The following PIK3R4 variants were observed in gnomAD, a reference collection of about 807,000 sequenced individuals.
PIK3R4 encodes the protein phosphoinositide 3-kinase regulatory subunit 4.
PIK3R4 carries 46 observed loss-of-function variants against 136.5 expected under a neutral mutation model. That is an observed-to-expected ratio of 0.34 (90% CI 0.27 to 0.43). The LOEUF (loss-of-function observed/expected upper bound fraction) is 0.43, where lower values mean the gene tolerates loss of function less well. Ranked by LOEUF, PIK3R4 falls within the 20% of genes least tolerant of loss-of-function variation. The probability of loss-of-function intolerance (pLI) is 1.00; values close to 1 mark genes in which losing one functional copy is unlikely to be tolerated. For synonymous variants in PIK3R4, 557 were observed against 566.7 expected, an observed-to-expected ratio of 0.98 and a Z score of 0.24; for missense variants, 1,331 against 1,649.5, an observed-to-expected ratio of 0.81 and a Z score of 3.35.
intron 7 of PIK3R4, among the ~76,000 whole-genome samples, chr3:130,720,647 C>T (rs1393984167): frequency 1.3e-5 from 2 of 152,154 alleles, no homozygotes. Context: ...CTGAATAGGA[C>T]ATTTCAGTAT....
In PIK3R4 at chr3:130,745,262, T is replaced by A. The variant is rs1394084730; in HGVS notation, c.-44A>T. On this transcript the variant is annotated splice_region_variant and 5_prime_UTR_variant, in exon 2 of 20. Transcript: ENST00000356763. Reference sequence around the variant, plus strand: ...GGTCTTTAGTAAGGTTAGGATATAATACCTGTTTAAAATAAAAACAAATGA... The same window carrying A: ...GGTCTTTAGTAAGGTTAGGATATAAAACCTGTTTAAAATAAAAACAAATGA... 2 of 1,509,988 alleles carry A rather than the reference T, an allele frequency of 1.3e-6. No individual in the cohort carries two copies. Among genetic ancestry groups the A allele is most frequent in the Non-Finnish European group, 1.8e-6 (2 of 1,134,842 alleles). 93.5% of individuals were successfully genotyped at this position (1,509,988 alleles called of 1,614,324 possible).
intron 10 of PIK3R4, 92 bp downstream of exon 10, chr3:130,708,199 G>T: frequency 2.0e-6 from 2 of 998,890 alleles, no homozygotes; most frequent in Non-Finnish European, 3.0e-6. Context: ...CTGTGAAATG[G>T]GGCTTTTTAT....
At chr3:130,684,414 T>G (rs1197333798) in intron 15 of PIK3R4, 33 bp from the exon 16 acceptor site, 1 of 1,596,284 alleles carries the variant, frequency 6.3e-7, no homozygotes, top group Non-Finnish European at 8.6e-7. Flanking sequence ...GATTACCATC[T>G]AATGATCAAA....
chr3:130,729,023 A>G (rs530873215), intron 5 of PIK3R4, among the ~76,000 whole-genome samples: 1 of 152,322 alleles, frequency 6.6e-6, no homozygotes, highest in South Asian at 2.1e-4. Flanking sequence ...CCAGTTAATC[A>G]AGGACTTGAA....
chr3:130,698,407 GT>G (rs2066558318), intron 13 of PIK3R4, among the ~76,000 whole-genome samples: 1 of 151,806 alleles, frequency 6.6e-6, no homozygotes, highest in Non-Finnish European at 1.5e-5. Flanking sequence ...TTTCTTCTTT[GT>G]ACCTCTGACT....
intron 1 of PIK3R4, among the ~76,000 whole-genome samples, chr3:130,745,825 G>A (rs1434072883): frequency 6.6e-6 from 1 of 152,038 alleles, no homozygotes; most frequent in Admixed American, 6.5e-5. Context: ...AGCTCAAGAC[G>A]GGGCTGGCCA....
At chr3:130,727,344 C>A (rs894524334) in intron 6 of PIK3R4, among the ~76,000 whole-genome samples, 3 of 151,728 alleles carry the variant, frequency 2.0e-5, no homozygotes, top group Non-Finnish European at 4.4e-5. Flanking sequence ...CCTCAGCCCC[C>A]CTCCCGCCGC....
At chr3:130,697,366 C>T (rs1451445522) in intron 13 of PIK3R4, among the ~76,000 whole-genome samples, 4 of 152,188 alleles carry the variant, frequency 2.6e-5, no homozygotes, top group East Asian at 1.9e-4. Context: ...AGCCACTGCG[C>T]ATGGCCTAGC....
At chr3:130,705,498 C>T in intron 12 of PIK3R4, 63 bp downstream of exon 12, 1 of 1,045,978 alleles carries the variant, frequency 9.6e-7, no homozygotes, top group Admixed American at 1.9e-5. Flanking sequence ...TTCATTTCCT[C>T]TATTAGATTC....
chr3:130,702,421 T>C (rs2066579610), intron 13 of PIK3R4, among the ~76,000 whole-genome samples: 1 of 152,108 alleles, frequency 6.6e-6, no homozygotes, highest in Admixed American at 6.5e-5. Flanking sequence ...AAAAATACAA[T>C]AATTAAGAAT....
rs771108414 is a variant in PIK3R4, at chr3:130,680,585, G to A, written c.3906+28C>T. ...AAAAGCCATGTTTGTGCTTACAAAA[G>A]GTGAAAGGAATGAAAAGACTACAGT... On this transcript the variant is annotated intron_variant, in intron 19 of 19. Coordinates refer to ENST00000356763, the MANE Select transcript of PIK3R4 (RefSeq NM_014602.3). 5.6e-6 allele frequency: 7 copies of A among 1,250,256 alleles called. No individual in the cohort carries two copies. The Admixed American group carries it at 7.4e-5, about 13-fold the overall frequency. The allele number at this position is 1,250,256 out of a possible 1,614,324, so 77.4% of individuals were successfully genotyped here.
intron 9 of PIK3R4, 53 bp from the exon 10 acceptor site, chr3:130,708,545 C>A: frequency 5.3e-6 from 8 of 1,501,054 alleles, no homozygotes; most frequent in Non-Finnish European, 7.3e-6. Context: ...ATAATAAAAA[C>A]AAGCCTCAGA....
At chr3:130,737,610 A>C (rs1350750702) in intron 2 of PIK3R4, among the ~76,000 whole-genome samples, 1 of 152,202 alleles carries the variant, frequency 6.6e-6, no homozygotes, top group African/African-American at 2.4e-5. Context: ...CAGTAAGCAG[A>C]GATCGGGCCA....
At chr3:130,694,041 T>C (rs1195637855) in intron 13 of PIK3R4, among the ~76,000 whole-genome samples, 1 of 151,898 alleles carries the variant, frequency 6.6e-6, no homozygotes, top group African/African-American at 2.4e-5. Context: ...TCCTGACACC[T>C]CTGTCAAAAA....
chr3:130,705,566 G>A lies in PIK3R4; in HGVS notation c.2927C>T (p.Pro976Leu), dbSNP rs750671593. 22 of 1,605,322 alleles carry A rather than the reference G, an allele frequency of 1.4e-5. No individual in the cohort carries two copies. Among genetic ancestry groups the A allele is most frequent in the Non-Finnish European group, 1.8e-5 (21 of 1,172,274 alleles). ...ENAEWESKPP[P>L]PGWRPKGLLV... is the part of the protein sequence containing the mutation. Reference sequence around the variant, plus strand: ...CTTATCAACGGAACTTTTACCAGGTGGTGGTGGTTTACTCTCCCATTCAGC... The same window carrying A: ...CTTATCAACGGAACTTTTACCAGGTAGTGGTGGTTTACTCTCCCATTCAGC... The change falls in exon 12 of 20, where the codon CCA (proline) becomes CTA (leucine). Residue 976 changes from proline to leucine, a missense_variant. By Grantham distance (98) the Pro-to-Leu change is moderately conservative (BLOSUM62 -3). Around this residue, in one of 2 missense-constraint regions of PIK3R4, gnomAD observed 1,180 missense variants for 1,407.0 expected, o/e 0.84. Transcript: ENST00000356763.
Position 130,679,142 on chromosome 3 carries a change from T to G in PIK3R4, c.*173A>C, listed in dbSNP as rs2066437662. On this transcript the variant is annotated 3_prime_UTR_variant, in exon 20 of 20. Transcript: ENST00000356763. ...CTTGCAAAGAGATGCATAAGTAAAC[T>G]AGTCAAGTACATCTTAACCATTTTG... 1 of 380,316 alleles carries G rather than the reference T, an allele frequency of 2.6e-6. No homozygotes were observed. 23.6% of individuals were successfully genotyped at this position (380,316 alleles called of 1,614,324 possible). A position where few individuals can be genotyped will look rare whatever the true frequency, so the allele number is the denominator to read the frequency against.
At chr3:130,746,177 A>C (rs1440409184) in intron 1 of PIK3R4, 141 bp downstream of exon 1, 1 of 152,224 alleles carries the variant, frequency 6.6e-6, no homozygotes, top group Admixed American at 6.5e-5. Context: ...TGCAACAAGA[A>C]ACCTTGCCAC....
At chr3:130,728,831 A>T (rs924798373) in intron 5 of PIK3R4, 147 bp from the exon 6 acceptor site, 51 of 520,010 alleles carry the variant, frequency 9.8e-5, no homozygotes, top group African/African-American at 9.5e-4. Context: ...TTAATCACCA[A>T]TTTTTTGCAT....
At chr3:130,709,040 A>G (rs1051488779) in intron 9 of PIK3R4, among the ~76,000 whole-genome samples, 4 of 152,144 alleles carry the variant, frequency 2.6e-5, no homozygotes, top group Non-Finnish European at 5.9e-5. Flanking sequence ...CAAACCCAGT[A>G]GCAATCTAGG....
Sources: allele counts gnomAD v4.1 joint callset (sites outside exome capture counted in the v4.1 genomes callset), GRCh38; gene constraint gnomAD v4.1.1; regional missense constraint gnomAD v4.1.1; transcripts MANE v1.5; gene names NCBI Gene and HGNC (gene_info 2026-07-23, HGNC 2026-07-21).